NOTCH3: variants seen among roughly 807,000 people sequenced by gnomAD.
NOTCH3 encodes notch receptor 3, also known as neurogenic locus notch homolog protein 3.
NOTCH3 carries 86 observed loss-of-function variants against 213.3 expected under a neutral mutation model. That is an observed-to-expected ratio of 0.40 (90% CI 0.34 to 0.48). The LOEUF is 0.48. Ranked by LOEUF, NOTCH3 falls within the 20% of genes least tolerant of loss-of-function variation. The pLI, the probability that NOTCH3 is intolerant of heterozygous loss-of-function variation, is 0.57. For missense variants in NOTCH3, 2,783 were observed against 3,272.6 expected, an observed-to-expected ratio of 0.85 and a Z score of 3.65; for synonymous variants, 1,354 against 1,355.9, an observed-to-expected ratio of 1.00 and a Z score of 0.03.
At position 15,165,197 on chromosome 19, in the gene NOTCH3, C is replaced by T. The variant is rs2046675391; in HGVS notation, c.5815+171G>A. On this transcript the variant is annotated intron_variant, in intron 31 of 32. Transcript: ENST00000263388. The surrounding 1 kb of genome is among the most constrained non-coding windows in gnomAD (Gnocchi z 4.7). Reference sequence around the variant, plus strand: ...ACCTTTTTCTAAATCCCTGAGGCACCCTAAGGACTAGTGGTGACCCTGCAT... The same window carrying T: ...ACCTTTTTCTAAATCCCTGAGGCACTCTAAGGACTAGTGGTGACCCTGCAT... 6.6e-6 allele frequency among the ~76,000 whole-genome samples: 1 copy of T among 152,230 alleles called. No homozygotes were observed. Among genetic ancestry groups the T allele is most frequent in the African/African-American group, 2.4e-5 (1 of 41,534 alleles).
Position 15,161,304 on chromosome 19 carries a change from C to G in NOTCH3, c.6324G>C (p.Pro2108=), listed in dbSNP as rs776858941. ...AAGCAGGGGGCCCACCGAAAGGCCGCGGGGAGTCCAGCGAGTCCACGGGCG... is the reference window on the plus strand; with the variant it reads ...AAGCAGGGGGCCCACCGAAAGGCCGGGGGGAGTCCAGCGAGTCCACGGGCG... ...TLSPVDSLDS[P]RPFGGPPASP... The change falls in exon 33 of 33, where the codon CCG becomes CCC. Residue 2108 remains proline, a synonymous_variant. Coordinates refer to ENST00000263388, the MANE Select transcript of NOTCH3 (RefSeq NM_000435.3). 6.5e-7 allele frequency: 1 copy of G among 1,532,338 alleles called. No individual in the cohort carries two copies. Among genetic ancestry groups the G allele is most frequent in the Middle Eastern group, 1.8e-4 (1 of 5,550 alleles). The allele number at this position is 1,532,338 out of a possible 1,614,324, so 94.9% of individuals were successfully genotyped here. A position where few individuals can be genotyped will look rare whatever the true frequency, so the allele number is the denominator to read the frequency against.
In NOTCH3 at chr19:15,174,080, G is replaced by A; in HGVS notation, c.4724C>T (p.Pro1575Leu). 1.3e-6 allele frequency: 2 copies of A among 1,582,016 alleles called. No homozygotes were observed. Among genetic ancestry groups the A allele is most frequent in the East Asian group, 2.3e-5 (1 of 44,254 alleles). Residue 1575 changes from proline (P) to leucine (L), a missense_variant, in exon 25 of 33, where the codon CCC (proline) becomes CTC (leucine). By Grantham distance (98) the Pro-to-Leu change is moderately conservative. Around this residue, in one of 6 missense-constraint regions of NOTCH3, gnomAD observed 636 missense variants for 801.8 expected, o/e 0.79. Transcript: ENST00000263388. ...TGGGGTCACTCACCCGATCACCTCG[G>A]GGGCCAGCTCCCGACGGGCCCGGGG... ...SEPRARRELA[P>L]EVIGSVVMLE... is the part of the protein sequence containing the mutation.
rs983230073 is a variant in NOTCH3 at position 15,174,268 on chromosome 19, C to T, written c.4536G>A (p.Val1512=). ...GCGGCAGCAGCACTGTGAGCACCAG[C>T]ACGCCGCGGGCCAGCAGGGCCGGCA... The part of the protein sequence containing the change: ...SEVPALLARG[V]LVLTVLLPPE... The change falls in exon 25 of 33, where the codon GTG becomes GTA. Residue 1512 remains valine, a synonymous_variant. Coordinates refer to ENST00000263388, the MANE Select transcript of NOTCH3 (RefSeq NM_000435.3). 5.1e-6 allele frequency: 8 copies of T among 1,572,146 alleles called. No individual in the cohort carries two copies. Among genetic ancestry groups the T allele is most frequent in the African/African-American group, 1.4e-5 (1 of 73,854 alleles).
At chr19:15,198,843 G>A (rs1246771586) in intron 1 of NOTCH3, among the ~76,000 whole-genome samples, 2 of 152,106 alleles carry the variant, frequency 1.3e-5, no homozygotes, top group African/African-American at 2.4e-5. Context: ...CCTGGGAAGC[G>A]GAGGTTGCAG....
rs548754559 is a variant in NOTCH3 at position 15,165,735 on chromosome 19, T to TG, written c.5667+51_5667+52insC. ...GGCAGAACTGGGGCTCAAACCCAGG[T>TG]AAGTCTAATGCCTGCCCCAGCTCTG... is the stretch of plus-strand genomic sequence containing the variant. On this transcript the variant is annotated intron_variant, in intron 30 of 32. Transcript: ENST00000263388. The surrounding 1 kb of genome is among the most constrained non-coding windows in gnomAD (Gnocchi z 4.7). 1.3e-4 allele frequency: 202 copies of TG among 1,589,706 alleles called. No individual in the cohort carries two copies. Among genetic ancestry groups the TG allele is most frequent in the Non-Finnish European group, 1.7e-4 (195 of 1,169,262 alleles).
intron 25 of NOTCH3, 82 bp downstream of exon 25, chr19:15,173,986 T>G: frequency 1.6e-6 from 2 of 1,239,152 alleles, no homozygotes; most frequent in African/African-American, 1.5e-5. Flanking sequence ...AGGCATTAAG[T>G]GAAATGAAAC....
chr19:15,170,952 GC>G, intron 25 of NOTCH3, 127 bp from the exon 26 acceptor site: 1 of 1,017,794 alleles, frequency 9.8e-7, no homozygotes, highest in Non-Finnish European at 1.5e-6. Flanking sequence ...GGTCTCCATG[GC>G]CCACCTGCAT....
chr19:15,184,351 C>A lies in NOTCH3; in HGVS notation c.2510G>T (p.Cys837Phe). The change falls in exon 16 of 33, where the codon TGC becomes TTC. Residue 837 changes from cysteine (C) to phenylalanine (F), a missense_variant. Cys to Phe is a radical substitution (Grantham distance 205). Around this residue, in one of 6 missense-constraint regions of NOTCH3, gnomAD observed 861 missense variants for 909.1 expected, o/e 0.95. Coordinates refer to ENST00000263388, the MANE Select transcript of NOTCH3 (RefSeq NM_000435.3). ...GGAAGGGCCAGTGTACCCTCCATGG[C>A]AGGTGCAGCTGAAACTCCCTGCCAG... ...TNLAGSFSCT[C>F]HGGYTGPSCD... 6.2e-7 allele frequency: 1 copy of A among 1,613,954 alleles called. No individual in the cohort carries two copies. Among genetic ancestry groups the A allele is most frequent in the Non-Finnish European group, 8.5e-7 (1 of 1,179,988 alleles).
rs182623173 is a variant in NOTCH3 at position 15,184,997 on chromosome 19, G to A, written c.2319C>T (p.Ser773=). 2.6e-5 allele frequency: 40 copies of A among 1,529,100 alleles called. No individual in the cohort carries two copies. The highest frequency in any genetic ancestry group is 9.8e-5 in the East Asian group (4 of 40,706). 94.7% of individuals were successfully genotyped at this position (1,529,100 alleles called of 1,614,324 possible). The change falls in exon 15 of 33, where the codon TCC becomes TCT. Residue 773 remains serine, a synonymous_variant. Transcript: ENST00000263388. ...GVQGRQCELL[S]PCTPNPCEHG... ...GCTCACAGGGGTTCGGGGTGCAGGG[G>A]GAGAGGAGTTCACACTGACGTCCTG...
intron 10 of NOTCH3, among the ~76,000 whole-genome samples, 161 bp downstream of exon 10, chr19:15,187,720 A>C (rs1443146907): frequency 6.6e-6 from 1 of 151,646 alleles, no homozygotes; most frequent in South Asian, 2.1e-4. Flanking sequence ...ACGTAGCCTT[A>C]TGTCAGTCTA....
intron 31 of NOTCH3, among the ~76,000 whole-genome samples, chr19:15,164,931 C>T (rs1392076037): frequency 6.6e-6 from 1 of 152,088 alleles, no homozygotes; most frequent in African/African-American, 2.4e-5. Context: ...CAGGTATGCA[C>T]CACCGCACAT....
In NOTCH3 at chr19:15,187,790, G is replaced by A. The variant is rs926592803; in HGVS notation, c.1606+91C>T. On this transcript the variant is annotated intron_variant, in intron 10 of 32. Coordinates refer to ENST00000263388, the MANE Select transcript of NOTCH3 (RefSeq NM_000435.3). Reference sequence around the variant, plus strand: ...CTGGGTCCTGCCTTGCTACAACCCCGCCCCCAAGCTCTCCCCAAGTCTGTT... The same window carrying A: ...CTGGGTCCTGCCTTGCTACAACCCCACCCCCAAGCTCTCCCCAAGTCTGTT... 147 of 1,049,620 alleles carry A rather than the reference G, an allele frequency of 1.4e-4. 1 individual carries two copies. Among genetic ancestry groups the A allele is most frequent in the East Asian group, 1.3e-4 (5 of 38,748 alleles). The allele number at this position is 1,049,620 out of a possible 1,614,324, so 65.0% of individuals were successfully genotyped here.
At chr19:15,175,533 TAAAAAA>T (rs34762214) in intron 24 of NOTCH3, among the ~76,000 whole-genome samples, 1 of 44,224 alleles carries the variant, frequency 2.3e-5, no homozygotes, top group East Asian at 7.5e-4. Context: ...AAATCCTGTC[TAAAAAA>T]AAAAAAAAAA....
chr19:15,166,229 C>T (rs1398191775), intron 29 of NOTCH3, 138 bp from the exon 30 acceptor site: 14 of 745,812 alleles, frequency 1.9e-5, no homozygotes, highest in Non-Finnish European at 2.8e-5. Flanking sequence ...TGCACACCCA[C>T]ACCCAGAATG....
At position 15,167,355 on chromosome 19, in the gene NOTCH3, T is replaced by C. The variant is rs759344111; in HGVS notation, c.5256A>G (p.Gln1752=). 2 of 1,612,100 alleles carry C rather than the reference T, an allele frequency of 1.2e-6. No homozygotes were observed. The highest frequency in any genetic ancestry group is 1.7e-5 in the Admixed American group (1 of 60,020). Residue 1752 remains glutamine, a synonymous_variant, in exon 29 of 33, where the codon CAA becomes CAG. Coordinates refer to ENST00000263388, the MANE Select transcript of NOTCH3 (RefSeq NM_000435.3). ...EEAVDCRQWT[Q]HHLVAADIRV... is the part of the protein sequence containing the mutation. Reference sequence around the variant, plus strand: ...GGATGTCAGCAGCAACCAGATGGTGTTGAGTCCACTGACGGCAATCCACAG... The same window carrying C: ...GGATGTCAGCAGCAACCAGATGGTGCTGAGTCCACTGACGGCAATCCACAG...
chr19:15,181,589 C>G lies in NOTCH3; in HGVS notation c.2779G>C (p.Asp927His), dbSNP rs1347363387. Residue 927 changes from aspartate (D) to histidine (H), a missense_variant, in exon 17 of 33, where the codon GAC becomes CAC. Asp to His is a moderately conservative substitution (Grantham distance 81). Around this residue, in one of 6 missense-constraint regions of NOTCH3, gnomAD observed 861 missense variants for 909.1 expected, o/e 0.95. Coordinates refer to ENST00000263388, the MANE Select transcript of NOTCH3 (RefSeq NM_000435.3). ...GGFHCEQDLP[D>H]CSPSSCFNGG... is the part of the protein sequence containing the mutation. ...GGCCCCGCCCACCTGGGGCTGCAGT[C>G]GGGCAGGTCCTGTTCGCAGTGGAAG... 1 of 1,550,278 alleles carries G rather than the reference C, an allele frequency of 6.5e-7. No homozygotes were observed. Among genetic ancestry groups the G allele is most frequent in the Non-Finnish European group, 8.7e-7 (1 of 1,146,598 alleles).
At chr19:15,186,581 T>A (rs1439636359) in intron 12 of NOTCH3, among the ~76,000 whole-genome samples, 1 of 152,026 alleles carries the variant, frequency 6.6e-6, no homozygotes, top group Non-Finnish European at 1.5e-5. Context: ...ATTTTTGTAT[T>A]TTTAGTAGAG....
At chr19:15,181,481 G>A (rs2046840952) in intron 17 of NOTCH3, 95 bp downstream of exon 17, 1 of 1,017,906 alleles carries the variant, frequency 9.8e-7, no homozygotes. Flanking sequence ...CCAAGCTGAG[G>A]ACTCCCCCAA....
Position 15,189,052 on chromosome 19 carries a change from G to A in NOTCH3, c.1315C>T (p.Pro439Ser). ...ETDVNECLSG[P>S]CRNQATCLDR... Reference sequence around the variant, plus strand: ...AGGCACGTGGCCTGGTTTCGGCAGGGCCCCGACAGACACTCGTTGACATCG... The same window carrying A: ...AGGCACGTGGCCTGGTTTCGGCAGGACCCCGACAGACACTCGTTGACATCG... The change falls in exon 8 of 33, where the codon CCC becomes TCC. Residue 439 changes from proline to serine, a missense_variant. Coordinates refer to ENST00000263388, the MANE Select transcript of NOTCH3 (RefSeq NM_000435.3). 1.2e-6 allele frequency: 2 copies of A among 1,613,138 alleles called. No homozygotes were observed. Among genetic ancestry groups the A allele is most frequent in the Non-Finnish European group, 1.7e-6 (2 of 1,180,030 alleles).
Sources: gnomAD v4.1 joint callset for allele counts (sites outside exome capture counted in the v4.1 genomes callset) on GRCh38, gnomAD v4.1.1 for gene constraint, gnomAD v4.1.1 regional missense constraint, Gnocchi (gnomAD v3.1) non-coding constraint, MANE v1.5 for transcripts, NCBI Gene and HGNC (gene_info 2026-07-23, HGNC 2026-07-21) for gene names.